PRUNE2: variants seen among roughly 807,000 people sequenced by gnomAD.
PRUNE2 encodes protein prune homolog 2.
A neutral mutation model predicts 252.0 loss-of-function variants in PRUNE2; 164 were observed. The ratio of observed to expected loss-of-function variants is 0.65; its 90% CI spans 0.57 to 0.74. The LOEUF (loss-of-function observed/expected upper bound fraction) is 0.74. Ranked by LOEUF, PRUNE2 falls within the 30% of genes least tolerant of loss-of-function variation. The pLI, the probability that PRUNE2 is intolerant of heterozygous loss-of-function variation, is 0.00. For missense variants in PRUNE2, 3,495 were observed against 3,711.0 expected, an observed-to-expected ratio of 0.94 and a Z score of 1.51; for synonymous variants, 1,292 against 1,350.2, an observed-to-expected ratio of 0.96 and a Z score of 0.94.
At chr9:76,774,450 C>CTTTTTTTATTTATTTATT (rs1564272256) in intron 6 of PRUNE2, among the ~76,000 whole-genome samples, 1 of 41,402 alleles carries the variant, frequency 2.4e-5, no homozygotes. Context: ...CAGTTCAACC[C>CTTTTTTTATTTATTTATT]TTTTTTTTTT....
chr9:76,819,701 C>T (rs552054857), intron 6 of PRUNE2, among the ~76,000 whole-genome samples: 9 of 152,218 alleles, frequency 5.9e-5, no homozygotes, highest in South Asian at 2.1e-4. Flanking sequence ...TGAGTAAAGA[C>T]GCTAATAATG....
intron 3 of PRUNE2, among the ~76,000 whole-genome samples, chr9:76,847,511 C>T (rs970738545): frequency 2.0e-5 from 3 of 151,652 alleles, no homozygotes; most frequent in Non-Finnish European, 2.9e-5. Context: ...ATTTGTGCAA[C>T]GTCACACATT....
At chr9:76,659,934 T>C (rs545371334) in intron 9 of PRUNE2, among the ~76,000 whole-genome samples, 2 of 151,756 alleles carry the variant, frequency 1.3e-5, no homozygotes, top group Non-Finnish European at 1.5e-5. Flanking sequence ...ACCCCTGGAA[T>C]CTCACTCAGA....
intron 6 of PRUNE2, among the ~76,000 whole-genome samples, chr9:76,774,460 T>TATTTATTTATTTATTTATTTTA (rs1564272674): frequency 7.2e-6 from 1 of 138,578 alleles, no homozygotes; most frequent in Non-Finnish European, 1.6e-5. Flanking sequence ...CTTTTTTTTT[T>TATTTATTTATTTATTTATTTTA]TTTTTTTTTT....
chr9:76,824,698 A>G (rs1294659187), intron 5 of PRUNE2, among the ~76,000 whole-genome samples: 1 of 152,210 alleles, frequency 6.6e-6, no homozygotes, highest in Non-Finnish European at 1.5e-5. Context: ...GATCTATAAT[A>G]AAGCCTGGTA....
At chr9:76,823,561 G>C in intron 6 of PRUNE2, 71 bp downstream of exon 6, 1 of 878,812 alleles carries the variant, frequency 1.1e-6, no homozygotes, top group Non-Finnish European at 2.0e-6. Context: ...AATGGAGAGA[G>C]TTACATTCCA....
intron 6 of PRUNE2, among the ~76,000 whole-genome samples, chr9:76,775,539 A>T (rs907143320): frequency 3.3e-5 from 5 of 152,008 alleles, no homozygotes; most frequent in Non-Finnish European, 5.9e-5. Flanking sequence ...CAGCTTAAGC[A>T]ATCTGCCTGC....
In PRUNE2 at chr9:76,614,366, A is replaced by G; in HGVS notation, c.*204T>C. 6.7e-6 allele frequency: 4 copies of G among 597,398 alleles called. No individual in the cohort carries two copies. In the South Asian group the frequency reaches 8.5e-5, roughly 13 times the overall value. 37.0% of individuals were successfully genotyped at this position (597,398 alleles called of 1,614,324 possible). The stretch of plus-strand genomic sequence containing the variant: ...GGCTCAACTAAAATCTTTGAGGCAC[A>G]TAATTGGCAAAATAGGAAAGTACAC... On this transcript the variant is annotated 3_prime_UTR_variant, in exon 19 of 19. Coordinates refer to ENST00000376718, the MANE Select transcript of PRUNE2 (RefSeq NM_015225.3).
intron 7 of PRUNE2, among the ~76,000 whole-genome samples, chr9:76,711,761 G>A (rs1211978840): frequency 6.6e-6 from 1 of 152,236 alleles, no homozygotes; most frequent in East Asian, 1.9e-4. Context: ...CAGGAGACAG[G>A]CTGTTGTTTG....
chr9:76,638,357 G>A, intron 12 of PRUNE2, 69 bp from the exon 13 acceptor site: 1 of 1,024,056 alleles, frequency 9.8e-7, no homozygotes, highest in East Asian at 2.5e-5. Context: ...CTGACCTAAT[G>A]GATAAATATG....
At chr9:76,902,690 C>T (rs988344879) in intron 1 of PRUNE2, among the ~76,000 whole-genome samples, 3 of 152,182 alleles carry the variant, frequency 2.0e-5, no homozygotes, top group Admixed American at 1.3e-4. Flanking sequence ...TAACTACCTC[C>T]CTAGCCGTGC....
intron 6 of PRUNE2, among the ~76,000 whole-genome samples, chr9:76,750,296 C>T (rs957604676): frequency 3.9e-5 from 6 of 152,112 alleles, no homozygotes; most frequent in African/African-American, 1.4e-4. Flanking sequence ...AGGTGACAAC[C>T]CAGACTTGTG....
At chr9:76,681,282 C>T (rs568964402) in intron 9 of PRUNE2, among the ~76,000 whole-genome samples, 2 of 151,834 alleles carry the variant, frequency 1.3e-5, no homozygotes, top group African/African-American at 2.4e-5. Context: ...TGCCAGGGGC[C>T]GGGGAGATGG....
At chr9:76,782,349 A>C (rs10121266) in intron 6 of PRUNE2, among the ~76,000 whole-genome samples, 1 of 152,180 alleles carries the variant, frequency 6.6e-6, no homozygotes, top group Non-Finnish European at 1.5e-5. Flanking sequence ...AACAGTCAGC[A>C]TTTTTGATAA....
chr9:76,849,235 G>A (rs74723090), intron 3 of PRUNE2, among the ~76,000 whole-genome samples: 2,374 of 152,142 alleles, frequency 0.016, 68 homozygotes, highest in African/African-American at 0.053. Context: ...TGGACAAGTC[G>A]TTTGTGACAC....
Position 76,710,294 on chromosome 9 carries a change from C to T in PRUNE2, c.1980G>A (p.Leu660=). Residue 660 remains leucine (L), a synonymous_variant, in exon 8 of 19, where the codon TTG becomes TTA. Transcript: ENST00000376718. ...HARCSSWWGG[L]EIDSKNIADA... ...CTGCAATATTTTTGGAGTCAATTTC[C>T]AAACCACCCCACCAGCTGCTGCACC... 1 of 1,613,972 alleles carries T rather than the reference C, an allele frequency of 6.2e-7. No individual in the cohort carries two copies. Among genetic ancestry groups the T allele is most frequent in the Non-Finnish European group, 8.5e-7 (1 of 1,179,894 alleles).
At chr9:76,815,491 C>T (rs566794532) in intron 6 of PRUNE2, among the ~76,000 whole-genome samples, 5 of 152,276 alleles carry the variant, frequency 3.3e-5, no homozygotes, top group African/African-American at 1.2e-4. Flanking sequence ...AAACATGTCC[C>T]CGCAAGCCGT....
intron 9 of PRUNE2, among the ~76,000 whole-genome samples, chr9:76,665,345 A>G (rs922647956): frequency 1.6e-4 from 25 of 151,538 alleles, no homozygotes; most frequent in African/African-American, 6.1e-4. Flanking sequence ...ATCCCACAGA[A>G]TCGGGATCTG....
intron 6 of PRUNE2, among the ~76,000 whole-genome samples, chr9:76,762,367 G>T (rs1042036473): frequency 6.6e-6 from 1 of 152,198 alleles, no homozygotes; most frequent in African/African-American, 2.4e-5. Flanking sequence ...ATTAATAAGG[G>T]AGGCAGGAAT....
Sources: allele counts gnomAD v4.1 joint callset (sites outside exome capture counted in the v4.1 genomes callset), GRCh38; gene constraint gnomAD v4.1.1; transcripts MANE v1.5; gene names NCBI Gene and HGNC (gene_info 2026-07-23, HGNC 2026-07-21).